The following AP1S3 variants were observed in gnomAD, a reference collection of about 807,000 sequenced individuals.
The protein encoded by AP1S3 is adaptor related protein complex 1 subunit sigma 3.
Under a neutral mutation model 20.9 loss-of-function variants are expected in AP1S3, and 10 were observed. That is an observed-to-expected ratio of 0.48 (90% CI 0.29 to 0.81). The LOEUF (loss-of-function observed/expected upper bound fraction) is 0.81. Ranked by LOEUF, AP1S3 falls within the 30% of genes least tolerant of loss-of-function variation. The pLI is 0.08. For missense variants in AP1S3, 154 were observed against 183.8 expected, an observed-to-expected ratio of 0.84 and a Z score of 0.94; for synonymous variants, 41 against 61.5, an observed-to-expected ratio of 0.67 and a Z score of 1.56.
chr2:223,830,340 G>A (rs1248161096), intron 1 of AP1S3, among the ~76,000 whole-genome samples: 5 of 151,638 alleles, frequency 3.3e-5, no homozygotes, highest in Non-Finnish European at 7.4e-5. Flanking sequence ...TTAGCCGGGC[G>A]TGTTGGCATG....
Position 223,837,530 on chromosome 2 carries a change from G to A in AP1S3, c.-80C>T. 2.9e-6 allele frequency: 3 copies of A among 1,022,786 alleles called. No homozygotes were observed. Among genetic ancestry groups the A allele is most frequent in the Non-Finnish European group, 3.8e-6 (3 of 791,494 alleles). The allele number at this position is 1,022,786 out of a possible 1,614,324, so 63.4% of individuals were successfully genotyped here. On this transcript the variant is annotated 5_prime_UTR_variant, in exon 1 of 5. Transcript: ENST00000396654. ...AGGGCGAGAGGCGAGCGCTGGAGCC[G>A]GTGCGGCTGACAGGTGAGGCGCCCG...
chr2:223,792,486 T>C (rs143286762), intron 1 of AP1S3, among the ~76,000 whole-genome samples: 1 of 152,334 alleles, frequency 6.6e-6, no homozygotes, highest in East Asian at 1.9e-4. Context: ...AAGGATTCCC[T>C]ATTTAATAAA....
rs545555915 is a variant in AP1S3 at position 223,810,082 on chromosome 2, G to A, written c.3+27366C>T. On this transcript the variant is annotated intron_variant, in intron 1 of 4. Coordinates refer to ENST00000396654, the MANE Select transcript of AP1S3 (RefSeq NM_001039569.2). ...ACACTCTACAATATGAGCTCCATGGGGCAATGATGTTTGTCCCTCACAGTT... is the reference window on the plus strand; with the variant it reads ...ACACTCTACAATATGAGCTCCATGGAGCAATGATGTTTGTCCCTCACAGTT... Among the ~76,000 whole-genome samples, 5 of 152,128 alleles carry A rather than the reference G, an allele frequency of 3.3e-5. No individual in the cohort carries two copies. The East Asian group carries it at 7.8e-4, about 24-fold the overall frequency.
chr2:223,791,119 T>A (rs1184472636), intron 1 of AP1S3, among the ~76,000 whole-genome samples: 1 of 152,162 alleles, frequency 6.6e-6, no homozygotes, highest in Non-Finnish European at 1.5e-5. Context: ...CTGGGACCAT[T>A]CCTACTGAAA....
chr2:223,781,720 T>C (rs1327185221), intron 1 of AP1S3, among the ~76,000 whole-genome samples: 3 of 152,158 alleles, frequency 2.0e-5, no homozygotes, highest in South Asian at 2.1e-4. Context: ...AGAATGGTTA[T>C]AGGAACACAA....
chr2:223,828,696 G>A (rs985497334), intron 1 of AP1S3, among the ~76,000 whole-genome samples: 4 of 151,704 alleles, frequency 2.6e-5, no homozygotes, highest in Non-Finnish European at 5.9e-5. Flanking sequence ...CACTCTCTGA[G>A]GCCCAGACCC....
intron 1 of AP1S3, among the ~76,000 whole-genome samples, chr2:223,780,355 A>AGTGTGTGTGTGTGT (rs1559280876): frequency 7.3e-5 from 4 of 54,966 alleles, no homozygotes; most frequent in East Asian, 8.7e-4. Flanking sequence ...AGAGAGAGAG[A>AGTGTGTGTGTGTGT]GAGTGTGTGT....
At chr2:223,796,909 C>T (rs954792226) in intron 1 of AP1S3, among the ~76,000 whole-genome samples, 13 of 152,194 alleles carry the variant, frequency 8.5e-5, no homozygotes, top group East Asian at 1.9e-4. Context: ...GGTGATCCAC[C>T]GACCTCGGCC....
intron 3 of AP1S3, among the ~76,000 whole-genome samples, chr2:223,767,404 G>A (rs980731765): frequency 1.3e-5 from 2 of 151,886 alleles, no homozygotes; most frequent in African/African-American, 4.8e-5. Context: ...CTCCTACCCT[G>A]CATTTGTTTA....
intron 3 of AP1S3, chr2:223,773,372 A>T (rs1338681291): frequency 7.7e-7 from 1 of 1,303,098 alleles, no homozygotes; most frequent in Admixed American, 2.3e-5. Context: ...TTTCAAAGGA[A>T]AGTACAAAAA....
intron 3 of AP1S3, chr2:223,770,352 A>G (rs1316626628): frequency 6.5e-7 from 1 of 1,549,280 alleles, no homozygotes; most frequent in Admixed American, 2.0e-5. Flanking sequence ...ACAGATACTA[A>G]TGAAAATTCT....
chr2:223,786,851 G>A (rs1257310126), intron 1 of AP1S3, among the ~76,000 whole-genome samples: 3 of 152,102 alleles, frequency 2.0e-5, no homozygotes, highest in Non-Finnish European at 2.9e-5. Flanking sequence ...GCTGCAGTGA[G>A]CTGAGATCAT....
intron 1 of AP1S3, among the ~76,000 whole-genome samples, chr2:223,814,981 C>T (rs1051312673): frequency 2.6e-5 from 4 of 152,116 alleles, no homozygotes; most frequent in Non-Finnish European, 4.4e-5. Context: ...CACTATGTTG[C>T]CAGGCTGGTC....
At chr2:223,787,928 T>C (rs1280287215) in intron 1 of AP1S3, among the ~76,000 whole-genome samples, 1 of 152,240 alleles carries the variant, frequency 6.6e-6, no homozygotes, top group Non-Finnish European at 1.5e-5. Context: ...AGCAGGGTAT[T>C]ACCTAATCTG....
intron 1 of AP1S3, among the ~76,000 whole-genome samples, chr2:223,806,766 T>C (rs1221839093): frequency 6.6e-6 from 1 of 152,290 alleles, no homozygotes; most frequent in Admixed American, 6.5e-5. Flanking sequence ...AACTTTCTTT[T>C]TGAGGTCCTA....
chr2:223,827,714 A>C (rs1692165273), intron 1 of AP1S3, among the ~76,000 whole-genome samples: 1 of 151,878 alleles, frequency 6.6e-6, no homozygotes, highest in Non-Finnish European at 1.5e-5. Context: ...AGTTTAAATA[A>C]ATTTCTCAGA....
intron 1 of AP1S3, among the ~76,000 whole-genome samples, chr2:223,797,197 T>A (rs996319334): frequency 2.0e-5 from 3 of 152,114 alleles, no homozygotes; most frequent in South Asian, 4.1e-4. Flanking sequence ...TGTCTTCATA[T>A]CCAAATGCCT....
chr2:223,757,052 T>C lies in AP1S3; in HGVS notation c.*1663A>G, dbSNP rs896189533. ...GTCACCCGCCTGGAGTGCACTGGTATGACCTTGGCTCACTGCAACCTCTGC... is the reference window on the plus strand; with the variant it reads ...GTCACCCGCCTGGAGTGCACTGGTACGACCTTGGCTCACTGCAACCTCTGC... On this transcript the variant is annotated 3_prime_UTR_variant, in exon 5 of 5. Transcript: ENST00000396654. The C allele has an allele frequency of 2.1e-5, 20 of 956,526 alleles. No individual in the cohort carries two copies. In the African/African-American group the frequency reaches 3.4e-4, roughly 16 times the overall value. 59.3% of individuals were successfully genotyped at this position (956,526 alleles called of 1,614,324 possible). A position where few individuals can be genotyped will look rare whatever the true frequency, so the allele number is the denominator to read the frequency against.
At chr2:223,775,064 G>A (rs1338754057) in intron 3 of AP1S3, among the ~76,000 whole-genome samples, 2 of 128,972 alleles carry the variant, frequency 1.6e-5, no homozygotes, top group East Asian at 2.5e-4. Context: ...TAAAGAAAGC[G>A]TCATGGTGAG....
Sources: allele counts gnomAD v4.1 joint callset (sites outside exome capture counted in the v4.1 genomes callset), GRCh38; gene constraint gnomAD v4.1.1; transcripts MANE v1.5; gene names NCBI Gene and HGNC (gene_info 2026-07-23, HGNC 2026-07-21).